APBA2: variants seen among roughly 807,000 people sequenced by gnomAD.
The protein encoded by APBA2 is amyloid-beta A4 precursor protein-binding family A member 2.
Under a neutral mutation model 75.0 loss-of-function variants are expected in APBA2, and 30 were observed. That is an observed-to-expected ratio of 0.40 (90% confidence interval 0.30 to 0.54). The LOEUF is 0.54. Among genes scored for constraint, APBA2 ranks in the 20% least tolerant of loss-of-function variants. The pLI is 0.49. For missense variants in APBA2, 801 were observed against 1,016.1 expected, an observed-to-expected ratio of 0.79 and a Z score of 2.88; for synonymous variants, 444 against 409.6, an observed-to-expected ratio of 1.08 and a Z score of -1.01.
chr15:28,899,753 T>C lies in APBA2; in HGVS notation c.-205+13475T>C, dbSNP rs1455767317. 4.6e-5 allele frequency among the ~76,000 whole-genome samples: 7 copies of C among 152,186 alleles called. No individual in the cohort carries two copies. The East Asian group carries it at 7.7e-4, about 17-fold the overall frequency. On this transcript the variant is annotated intron_variant, in intron 1 of 14. Transcript: ENST00000683413. ...ATTCACAGGGCAAAGGGTGTAGATATGCAGAATGAGCATGTAGGGACCTTC... is the reference window on the plus strand; with the variant it reads ...ATTCACAGGGCAAAGGGTGTAGATACGCAGAATGAGCATGTAGGGACCTTC...
intron 14 of APBA2, among the ~76,000 whole-genome samples, chr15:29,114,449 G>A (rs944690361): frequency 1.3e-5 from 2 of 152,196 alleles, no homozygotes; most frequent in African/African-American, 4.8e-5. Context: ...GGCAGTGTGA[G>A]GATGGTGTGG....
rs142717020 is a variant in APBA2 at position 29,113,198 on chromosome 15, T to G, written c.2038-678T>G. ...TGTCCAGTCTCGTGGTCACAGGCGC[T>G]CCCAGGCCCTCCTGTCCATCTGTTT... is the stretch of plus-strand genomic sequence containing the variant. On this transcript the variant is annotated intron_variant, in intron 13 of 14. Coordinates refer to ENST00000683413, the MANE Select transcript of APBA2 (RefSeq NM_001353788.2). Among the ~76,000 whole-genome samples the G allele has an allele frequency of 4.6e-3, 702 of 152,162 alleles. 7 individuals are homozygous for G. Among genetic ancestry groups the G allele is most frequent in the African/African-American group, 0.016 (668 of 41,492 alleles).
At position 29,046,578 on chromosome 15, in the gene APBA2, CAG is replaced by C. The variant is rs1288953175; in HGVS notation, c.-40-7264_-40-7263del. Among the ~76,000 whole-genome samples, 3 of 152,200 alleles carry C rather than the reference CAG, an allele frequency of 2.0e-5. No homozygotes were observed. The stretch of plus-strand genomic sequence containing the variant: ...GAGACCTGCAAGCATCTACTTAGGG[CAG>C]AGTTTTCAAGTGCAGTCTTTGGACC... On this transcript the variant is annotated intron_variant, in intron 3 of 14. Coordinates refer to ENST00000683413, the MANE Select transcript of APBA2 (RefSeq NM_001353788.2). This position sits in a 1 kb window ranked among gnomAD's most constrained non-coding sequence, Gnocchi z 5.0.
chr15:28,955,478 A>G (rs895762192), intron 2 of APBA2, among the ~76,000 whole-genome samples: 2 of 152,152 alleles, frequency 1.3e-5, no homozygotes, highest in Non-Finnish European at 2.9e-5. Flanking sequence ...TGTGTAATCA[A>G]TTTTAATGAT....
chr15:28,925,181 A>AT (rs1254057673), intron 2 of APBA2, among the ~76,000 whole-genome samples: 1 of 152,168 alleles, frequency 6.6e-6, no homozygotes. Flanking sequence ...GATTATATCC[A>AT]TTGATTTTTC....
At chr15:29,102,120 A>G (rs2044155802) in intron 10 of APBA2, 6 of 443,296 alleles carry the variant, frequency 1.4e-5, no homozygotes, top group Middle Eastern at 6.6e-4. Context: ...TAAAATGCAA[A>G]TTTTCGCATG....
chr15:29,102,348 A>G (rs544083746), intron 10 of APBA2: 4 of 169,774 alleles, frequency 2.4e-5, no homozygotes, highest in Admixed American at 2.3e-4. Flanking sequence ...AGCAGGGCCA[A>G]GAGGGGAGCT....
chr15:29,113,349 G>GT lies in APBA2; in HGVS notation c.2038-527_2038-526insT, dbSNP rs376365795. Among the ~76,000 whole-genome samples, 990 of 149,654 alleles carry GT rather than the reference G, an allele frequency of 6.6e-3. 8 individuals carry two copies. The highest frequency in any genetic ancestry group is 0.024 in the African/African-American group (955 of 40,210). On this transcript the variant is annotated intron_variant, in intron 13 of 14. Transcript: ENST00000683413. ...GGCACAAAATGCCCTTACGTCACTT[G>GT]GCGGGGGGGGGATGTAGGAATAAAG... is the stretch of plus-strand genomic sequence containing the variant.
chr15:28,910,133 G>T (rs562051317), intron 1 of APBA2, among the ~76,000 whole-genome samples: 11 of 152,362 alleles, frequency 7.2e-5, no homozygotes, highest in African/African-American at 2.6e-4. Context: ...GAGTGGGGAA[G>T]TCCAGATTGG....
At chr15:28,932,434 A>T (rs1473810334) in intron 2 of APBA2, among the ~76,000 whole-genome samples, 2 of 152,178 alleles carry the variant, frequency 1.3e-5, no homozygotes, top group East Asian at 1.9e-4. Context: ...CACATGCAGG[A>T]TGTGACAATG....
At chr15:29,030,729 A>ATGTGTGTGTGTGTG (rs60048817) in intron 3 of APBA2, among the ~76,000 whole-genome samples, 1 of 113,248 alleles carries the variant, frequency 8.8e-6, no homozygotes, top group African/African-American at 3.1e-5. Flanking sequence ...CCATGTGAGT[A>ATGTGTGTGTGTGTG]TGTGTGTGTG....
intron 4 of APBA2, among the ~76,000 whole-genome samples, chr15:29,071,378 C>T (rs567507236): frequency 1.2e-4 from 18 of 151,856 alleles, no homozygotes; most frequent in African/African-American, 3.4e-4. Flanking sequence ...CTCAGAGCTC[C>T]GGGGACACAC....
intron 3 of APBA2, among the ~76,000 whole-genome samples, chr15:28,997,289 C>T (rs976378890): frequency 1.3e-5 from 2 of 152,160 alleles, no homozygotes; most frequent in African/African-American, 2.4e-5. Flanking sequence ...AGAAGAGCTG[C>T]GTGATTATTA....
intron 3 of APBA2, among the ~76,000 whole-genome samples, chr15:29,037,309 C>T (rs1040792285): frequency 9.2e-5 from 14 of 152,274 alleles, no homozygotes; most frequent in Middle Eastern, 3.4e-3. Context: ...TGAGATGCAG[C>T]CCCTGCCTCC....
At chr15:29,076,123 G>T in intron 6 of APBA2, 32 bp downstream of exon 6, 2 of 1,610,980 alleles carry the variant, frequency 1.2e-6, no homozygotes, top group Non-Finnish European at 1.7e-6. Flanking sequence ...TTCTCAAGGG[G>T]CAGTTGCATT....
rs575806366 is a variant in APBA2 at position 28,922,241 on chromosome 15, G to A, written c.-95+492G>A. The stretch of plus-strand genomic sequence containing the variant: ...GAAAGTGGGCAGGTTCTTTCCGCTC[G>A]ACCTGGCAATAACAATTCCTAAATT... On this transcript the variant is annotated intron_variant, in intron 2 of 14. Transcript: ENST00000683413. Among the ~76,000 whole-genome samples the A allele has an allele frequency of 6.6e-5, 10 of 152,234 alleles. No individual in the cohort carries two copies. The South Asian group carries it at 1.7e-3, about 25-fold the overall frequency.
chr15:28,917,724 G>A (rs1171996779), intron 1 of APBA2, among the ~76,000 whole-genome samples: 1 of 152,156 alleles, frequency 6.6e-6, no homozygotes, highest in African/African-American at 2.4e-5. Context: ...TATTTTATGA[G>A]TTTTGACAAA....
At chr15:28,987,725 G>GATATATATAAATAAATATATAT (rs1469936230) in intron 2 of APBA2, among the ~76,000 whole-genome samples, 5 of 118,592 alleles carry the variant, frequency 4.2e-5, no homozygotes, top group African/African-American at 2.0e-4. Context: ...AATATGTGGA[G>GATATATATAAATAAATATATAT]AGAGATATAT....
chr15:28,887,858 G>A (rs36144894), intron 1 of APBA2, among the ~76,000 whole-genome samples: 67,794 of 151,770 alleles, frequency 0.45, 15,425 homozygotes, highest in Non-Finnish European at 0.47. Flanking sequence ...TGGCATTAGC[G>A]ATGGGGCACC....
Sources: gnomAD v4.1 joint callset for allele counts (sites outside exome capture counted in the v4.1 genomes callset) on GRCh38, gnomAD v4.1.1 for gene constraint, Gnocchi (gnomAD v3.1) non-coding constraint, MANE v1.5 for transcripts, NCBI Gene and HGNC (gene_info 2026-07-23, HGNC 2026-07-21) for gene names.